IGSF21: variants seen among roughly 807,000 people sequenced by gnomAD.
IGSF21 encodes immunoglobulin superfamily member 21.
Under a neutral mutation model 46.8 loss-of-function variants are expected in IGSF21, and 28 were observed. That is an observed-to-expected ratio of 0.60 (90% CI 0.44 to 0.82). The LOEUF is 0.82. Ranked by LOEUF, IGSF21 falls within the 40% of genes least tolerant of loss-of-function variation. IGSF21 has a pLI of 0.00. For synonymous variants in IGSF21, 284 were observed against 273.6 expected (o/e 1.04, Z -0.38); for missense variants, 624 against 665.5 (o/e 0.94, Z 0.69).
rs1181759115 is a variant in IGSF21 at position 18,250,421 on chromosome 1, C to T, written c.183+22411C>T. ...TTTCCCTCTCCCTCACCTTCTGCATCTGGTGAAGCAGCCTCCATGTTCTCA... is the reference window on the plus strand; with the variant it reads ...TTTCCCTCTCCCTCACCTTCTGCATTTGGTGAAGCAGCCTCCATGTTCTCA... On this transcript the variant is annotated intron_variant, in intron 2 of 9. Coordinates refer to ENST00000251296, the MANE Select transcript of IGSF21 (RefSeq NM_032880.5). 2.6e-5 allele frequency among the ~76,000 whole-genome samples: 4 copies of T among 152,140 alleles called. No homozygotes were observed. The South Asian group carries it at 6.2e-4, about 24-fold the overall frequency.
Position 18,356,111 on chromosome 1 carries a change from G to A in IGSF21, c.425-6004G>A, listed in dbSNP as rs549980154. Among the ~76,000 whole-genome samples, 5 of 152,208 alleles carry A rather than the reference G, an allele frequency of 3.3e-5. No individual in the cohort carries two copies. In the South Asian group the frequency reaches 8.3e-4, roughly 25 times the overall value. On this transcript the variant is annotated intron_variant, in intron 4 of 9. Coordinates refer to ENST00000251296, the MANE Select transcript of IGSF21 (RefSeq NM_032880.5). The stretch of plus-strand genomic sequence containing the variant: ...CAGCCTCCCAGAGTCCTGGGATTAC[G>A]GGCATCAGCCCCTGCACCTGGCCTA...
intron 1 of IGSF21, among the ~76,000 whole-genome samples, chr1:18,205,523 T>A (rs1455627400): frequency 6.6e-6 from 1 of 152,028 alleles, no homozygotes; most frequent in Non-Finnish European, 1.5e-5. Flanking sequence ...TGTGATCGAG[T>A]GAGGCCCACG....
At chr1:18,174,953 T>C (rs1300463109) in intron 1 of IGSF21, among the ~76,000 whole-genome samples, 2 of 152,250 alleles carry the variant, frequency 1.3e-5, no homozygotes, top group Non-Finnish European at 2.9e-5. Flanking sequence ...GGCTGCTTTA[T>C]GCACTGCTTT....
intron 1 of IGSF21, among the ~76,000 whole-genome samples, chr1:18,137,840 G>A (rs187241449): frequency 2.0e-5 from 3 of 152,098 alleles, no homozygotes; most frequent in Non-Finnish European, 2.9e-5. Flanking sequence ...AAATATTAAT[G>A]TGTGTAATCT....
chr1:18,220,246 G>A (rs191148056), intron 1 of IGSF21, among the ~76,000 whole-genome samples: 26 of 152,246 alleles, frequency 1.7e-4, no homozygotes, highest in Non-Finnish European at 1.5e-5. Context: ...CTGATAGGGT[G>A]GCCACTCACC....
intron 3 of IGSF21, among the ~76,000 whole-genome samples, chr1:18,311,623 C>T (rs1196983275): frequency 6.6e-6 from 1 of 152,128 alleles, no homozygotes; most frequent in South Asian, 2.1e-4. Context: ...AAGACATACC[C>T]GAGACTGGGT....
rs58426436 is a variant in IGSF21 at position 18,148,129 on chromosome 1, CTTTTTTT to C, written c.70+39944_70+39950del. On this transcript the variant is annotated intron_variant, in intron 1 of 9. Coordinates refer to ENST00000251296, the MANE Select transcript of IGSF21 (RefSeq NM_032880.5). ...TAAATTACTCAGTCACAAGTATGTC[CTTTTTTT>C]TTTTTTTTTTTTGAGATGGAGTCTT... Among the ~76,000 whole-genome samples, 5 of 108,296 alleles carry C rather than the reference CTTTTTTT, an allele frequency of 4.6e-5. 1 individual carries two copies. The South Asian group carries it at 1.3e-3, about 29-fold the overall frequency. 71.0% of individuals were successfully genotyped at this position (108,296 alleles called of 152,430 possible). A position where few individuals can be genotyped will look rare whatever the true frequency, so the allele number is the denominator to read the frequency against.
intron 6 of IGSF21, among the ~76,000 whole-genome samples, chr1:18,367,773 A>T (rs1411655252): frequency 4.1e-5 from 6 of 147,444 alleles, no homozygotes; most frequent in Non-Finnish European, 9.0e-5. Flanking sequence ...CATCCTGCTA[A>T]TTTTTTTTTT....
intron 1 of IGSF21, among the ~76,000 whole-genome samples, chr1:18,118,699 G>T (rs2085281): frequency 0.071 from 10,819 of 152,200 alleles, 503 homozygotes; most frequent in Middle Eastern, 0.16. Context: ...GCATCAGAAG[G>T]CCAATTCCTA....
intron 3 of IGSF21, among the ~76,000 whole-genome samples, chr1:18,330,935 C>T (rs1332388910): frequency 2.0e-5 from 3 of 152,218 alleles, no homozygotes; most frequent in South Asian, 2.1e-4. Flanking sequence ...TACATGGATA[C>T]ATCGTTACCA....
intron 2 of IGSF21, among the ~76,000 whole-genome samples, chr1:18,245,364 A>G (rs1014041013): frequency 6.6e-6 from 1 of 152,186 alleles, no homozygotes; most frequent in Non-Finnish European, 1.5e-5. Flanking sequence ...CCTAATATTG[A>G]GCCTCCATTG....
chr1:18,108,985 A>AGTGTGTGTGTGT (rs10686337), intron 1 of IGSF21, among the ~76,000 whole-genome samples: 15,719 of 127,612 alleles, frequency 0.12, 1,166 homozygotes, highest in Middle Eastern at 0.15. Context: ...TGAGCAGCTC[A>AGTGTGTGTGTGT]GTGTGTGTGT....
chr1:18,232,151 C>T (rs1334392510), intron 2 of IGSF21, among the ~76,000 whole-genome samples: 4 of 149,548 alleles, frequency 2.7e-5, no homozygotes, highest in Non-Finnish European at 3.0e-5. Context: ...GGGTTCATCT[C>T]CCAGATTTGA....
At chr1:18,140,828 C>T (rs61766497) in intron 1 of IGSF21, among the ~76,000 whole-genome samples, 13,762 of 152,268 alleles carry the variant, frequency 0.09, 695 homozygotes, top group Middle Eastern at 0.18. Context: ...CCATCCTCTG[C>T]GGGCTGCCCC....
Position 18,359,385 on chromosome 1 carries a change from A to AGAAAGAAT in IGSF21, c.425-2729_425-2728insAAAGAATG, listed in dbSNP as rs1557659641. The stretch of plus-strand genomic sequence containing the variant: ...AAGAAAGAAAGAAAGAAAGAAAGAA[A>AGAAAGAAT]GGAAGGAAGGAAGGAAGGAAGGAAG... On this transcript the variant is annotated intron_variant, in intron 4 of 9. Transcript: ENST00000251296. Among the ~76,000 whole-genome samples the AGAAAGAAT allele has an allele frequency of 7.3e-4, 50 of 68,538 alleles. 1 individual carries two copies. Among genetic ancestry groups the AGAAAGAAT allele is most frequent in the African/African-American group, 3.0e-3 (50 of 16,578 alleles). 45.0% of individuals were successfully genotyped at this position (68,538 alleles called of 152,430 possible).
chr1:18,203,278 T>C (rs1395259928), intron 1 of IGSF21, among the ~76,000 whole-genome samples: 2 of 152,236 alleles, frequency 1.3e-5, no homozygotes, highest in Non-Finnish European at 2.9e-5. Context: ...GCTCCACCTC[T>C]GGCCCTTGAT....
intron 4 of IGSF21, among the ~76,000 whole-genome samples, chr1:18,360,178 G>C (rs573687114): frequency 1.3e-5 from 2 of 152,282 alleles, no homozygotes; most frequent in South Asian, 4.2e-4. Flanking sequence ...GGAAAGGTTA[G>C]ATTGCAGAAT....
chr1:18,197,128 C>A (rs1340743658), intron 1 of IGSF21, among the ~76,000 whole-genome samples: 1 of 152,224 alleles, frequency 6.6e-6, no homozygotes, highest in African/African-American at 2.4e-5. Context: ...TCAGAGCATA[C>A]AAATCACTCA....
intron 2 of IGSF21, among the ~76,000 whole-genome samples, chr1:18,284,387 G>C (rs961752183): frequency 6.6e-6 from 1 of 152,232 alleles, no homozygotes; most frequent in African/African-American, 2.4e-5. Context: ...GGGATCAAGT[G>C]AGATGGGCAA....
Sources: gnomAD v4.1 joint callset for allele counts (sites outside exome capture counted in the v4.1 genomes callset) on GRCh38, gnomAD v4.1.1 for gene constraint, MANE v1.5 for transcripts, NCBI Gene and HGNC (gene_info 2026-07-23, HGNC 2026-07-21) for gene names.